Variants in MTX2 observed in about 807,000 individuals in gnomAD.
MTX2 encodes metaxin 2.
In MTX2, 35 loss-of-function variants were observed where a neutral mutation model predicts 42.3. That is an observed-to-expected ratio of 0.83 (90% CI 0.63 to 1.10). The LOEUF is 1.10. MTX2 is among the 50% of genes least tolerant of loss of function. The pLI is 0.00. For missense variants in MTX2, 307 were observed against 304.1 expected, an observed-to-expected ratio of 1.01 and a Z score of -0.07; for synonymous variants, 119 against 100.9, an observed-to-expected ratio of 1.18 and a Z score of -1.08.
At chr2:176,298,913 G>A (rs115346803) in intron 3 of MTX2, among the ~76,000 whole-genome samples, 2,361 of 152,158 alleles carry the variant, frequency 0.016, 59 homozygotes, top group African/African-American at 0.053. Context: ...AGAAAATATA[G>A]CCAGGCTATT....
At chr2:176,331,911 G>T (rs1003079472) in intron 9 of MTX2, among the ~76,000 whole-genome samples, 2 of 151,220 alleles carry the variant, frequency 1.3e-5, no homozygotes, top group Admixed American at 6.6e-5. Context: ...TTTAGAGGAG[G>T]CCAGGAGAAT....
intron 1 of MTX2, among the ~76,000 whole-genome samples, chr2:176,289,725 G>C (rs978961865): frequency 1.3e-5 from 2 of 152,070 alleles, no homozygotes; most frequent in African/African-American, 4.8e-5. Context: ...TGGTATGAAA[G>C]TGGTACAGGA....
At chr2:176,274,736 C>A (rs560070194) in intron 1 of MTX2, among the ~76,000 whole-genome samples, 1 of 152,266 alleles carries the variant, frequency 6.6e-6, no homozygotes, top group African/African-American at 2.4e-5. Context: ...AGGACTTAGA[C>A]CCTTTTTTAA....
intron 1 of MTX2, among the ~76,000 whole-genome samples, chr2:176,274,951 T>G (rs961519526): frequency 1.3e-5 from 2 of 152,110 alleles, no homozygotes; most frequent in African/African-American, 2.4e-5. Flanking sequence ...GCGGAGAATA[T>G]CCCTTGTAGC....
intron 3 of MTX2, among the ~76,000 whole-genome samples, chr2:176,301,347 A>G (rs1684018117): frequency 6.6e-6 from 1 of 152,118 alleles, no homozygotes; most frequent in Admixed American, 6.6e-5. Flanking sequence ...GTGGAGATAA[A>G]CAGAAAACAA....
rs1375447159 is a variant in MTX2, at chr2:176,269,678, G to A, written c.40+9G>A. 2.5e-6 allele frequency: 4 copies of A among 1,592,182 alleles called. No homozygotes were observed. The highest frequency in any genetic ancestry group is 3.4e-6 in the Non-Finnish European group (4 of 1,172,474). On this transcript the variant is annotated intron_variant, in intron 1 of 9. Transcript: ENST00000249442. ...CGTCTCCCAGATTGCAGGTAGCGCG[G>A]CTGGCCGCAGACCCAGAAGGTGGCG... is the stretch of plus-strand genomic sequence containing the variant.
chr2:176,316,633 G>A (rs892667265), intron 3 of MTX2, among the ~76,000 whole-genome samples: 2 of 151,982 alleles, frequency 1.3e-5, no homozygotes, highest in Non-Finnish European at 2.9e-5. Context: ...GAACTCCTGG[G>A]CTCAAGCGAT....
intron 1 of MTX2, among the ~76,000 whole-genome samples, chr2:176,280,868 C>T (rs755101429): frequency 2.0e-5 from 3 of 152,178 alleles, no homozygotes; most frequent in South Asian, 2.1e-4. Flanking sequence ...CTAAGGAGAG[C>T]GTCATGGACA....
chr2:176,281,954 T>G (rs1268999039), intron 1 of MTX2, among the ~76,000 whole-genome samples: 1 of 152,146 alleles, frequency 6.6e-6, no homozygotes, highest in African/African-American at 2.4e-5. Context: ...AAGACAAGTA[T>G]AGTTTTCAAA....
rs971994796 is a variant in MTX2 at position 176,298,098 on chromosome 2, A to G, written c.135+203A>G. Among the ~76,000 whole-genome samples the G allele has an allele frequency of 3.3e-5, 5 of 151,122 alleles. No homozygotes were observed. In the South Asian group the frequency reaches 6.2e-4, roughly 19 times the overall value. On this transcript the variant is annotated intron_variant, in intron 3 of 9. Coordinates refer to ENST00000249442, the MANE Select transcript of MTX2 (RefSeq NM_006554.5). ...TAATATTATTCAGTTAATTGTCAGT[A>G]TATAAAATAAACATAAATTTTTTTT...
chr2:176,307,853 G>C (rs1684191201), intron 3 of MTX2, among the ~76,000 whole-genome samples: 1 of 152,098 alleles, frequency 6.6e-6, no homozygotes, highest in African/African-American at 2.4e-5. Context: ...AACAGGAACA[G>C]TTTGACTTCC....
intron 3 of MTX2, among the ~76,000 whole-genome samples, chr2:176,320,842 G>A (rs1207950358): frequency 6.6e-6 from 1 of 151,832 alleles, no homozygotes; most frequent in Non-Finnish European, 1.5e-5. Context: ...CTAAAGGTGT[G>A]CACCACCATG....
intron 9 of MTX2, among the ~76,000 whole-genome samples, chr2:176,332,169 T>TA (rs1684878655): frequency 6.6e-6 from 1 of 151,330 alleles, no homozygotes; most frequent in African/African-American, 2.4e-5. Context: ...GATACTTAGA[T>TA]AAACATTTTC....
intron 8 of MTX2, among the ~76,000 whole-genome samples, chr2:176,330,327 C>G (rs1002318415): frequency 1.4e-5 from 2 of 145,852 alleles, no homozygotes; most frequent in Non-Finnish European, 3.1e-5. Context: ...TTCTTGTATA[C>G]AAAGTATTAT....
chr2:176,296,222 G>T (rs1683874128), intron 1 of MTX2, among the ~76,000 whole-genome samples: 1 of 152,092 alleles, frequency 6.6e-6, no homozygotes, highest in Non-Finnish European at 1.5e-5. Context: ...ATTTCACATT[G>T]TAGGTATGTA....
intron 1 of MTX2, 118 bp downstream of exon 1, chr2:176,269,787 T>TG: frequency 7.9e-7 from 1 of 1,261,472 alleles, no homozygotes; most frequent in Non-Finnish European, 1.1e-6. Context: ...CCGGCCCGGA[T>TG]GGTGGAGGCG....
At chr2:176,270,333 C>T (rs769127024) in intron 1 of MTX2, 1 of 1,349,942 alleles carries the variant, frequency 7.4e-7, no homozygotes, top group South Asian at 1.2e-5. Context: ...ACCACGCCCG[C>T]GCGGATTCAT....
chr2:176,279,379 G>T (rs1370850149), intron 1 of MTX2, among the ~76,000 whole-genome samples: 1 of 151,980 alleles, frequency 6.6e-6, no homozygotes, highest in Non-Finnish European at 1.5e-5. Context: ...TTATTCCAGT[G>T]TTTATTTCTG....
intron 7 of MTX2, 97 bp from the exon 8 acceptor site, chr2:176,329,204 T>G: frequency 7.2e-7 from 1 of 1,388,136 alleles, no homozygotes; most frequent in Non-Finnish European, 9.7e-7. Context: ...GCTCTATTTA[T>G]GTTCTCTGAA....
Sources: allele counts gnomAD v4.1 joint callset (sites outside exome capture counted in the v4.1 genomes callset), GRCh38; gene constraint gnomAD v4.1.1; transcripts MANE v1.5; gene names NCBI Gene and HGNC (gene_info 2026-07-23, HGNC 2026-07-21).